Variants in ATP9A observed in about 807,000 individuals in gnomAD.
ATP9A encodes the protein ATPase phospholipid transporting 9A.
Under a neutral mutation model 144.1 loss-of-function variants are expected in ATP9A, and 52 were observed. That is an observed-to-expected ratio of 0.36 (90% CI 0.29 to 0.45). ATP9A has a LOEUF of 0.45. Among genes scored for constraint, ATP9A ranks in the 20% least tolerant of loss-of-function variants. The probability of loss-of-function intolerance (pLI) is 1.00; values close to 1 mark genes in which losing one functional copy is unlikely to be tolerated. For missense variants in ATP9A, 947 were observed against 1,392.7 expected (o/e 0.68, Z 5.09); for synonymous variants, 582 against 557.4 (o/e 1.04, Z -0.62).
intron 27 of ATP9A, among the ~76,000 whole-genome samples, chr20:51,603,129 GCTT>G (rs1469679345): frequency 1.6e-4 from 24 of 152,178 alleles, no homozygotes. Context: ...ACACACATGA[GCTT>G]CTTAGCAGAG....
At chr20:51,741,237 A>T (rs1475012591) in intron 1 of ATP9A, among the ~76,000 whole-genome samples, 1 of 151,754 alleles carries the variant, frequency 6.6e-6, no homozygotes, top group African/African-American at 2.4e-5. Context: ...CTTCCACCTT[A>T]CTCTTGAACT....
intron 14 of ATP9A, among the ~76,000 whole-genome samples, chr20:51,644,902 C>T (rs2077336051): frequency 6.6e-6 from 1 of 152,088 alleles, no homozygotes; most frequent in Non-Finnish European, 1.5e-5. Flanking sequence ...ACACTAATTC[C>T]CCAAAAGCCT....
At chr20:51,673,761 TA>T (rs1183013923) in intron 11 of ATP9A, among the ~76,000 whole-genome samples, 1 of 152,074 alleles carries the variant, frequency 6.6e-6, no homozygotes, top group African/African-American at 2.4e-5. Context: ...CTGCTCCTTC[TA>T]AAAGCCGATG....
At chr20:51,714,775 C>T (rs2077655159) in intron 3 of ATP9A, among the ~76,000 whole-genome samples, 1 of 152,234 alleles carries the variant, frequency 6.6e-6, no homozygotes, top group African/African-American at 2.4e-5. Context: ...TGGGCCACTG[C>T]GCCCAGCTGT....
At chr20:51,627,905 T>C (rs574351463) in intron 16 of ATP9A, among the ~76,000 whole-genome samples, 68 of 152,320 alleles carry the variant, frequency 4.5e-4, no homozygotes, top group African/African-American at 1.6e-3. Context: ...CCACAGGTCG[T>C]CTTCAACTAG....
chr20:51,713,015 C>A lies in ATP9A; in HGVS notation c.387G>T (p.Val129=), dbSNP rs954184197. The change falls in exon 4 of 28, where the codon GTG becomes GTT. Residue 129 remains valine, a synonymous_variant. Transcript: ENST00000338821. The part of the protein sequence containing the change: ...REAVEEIRCY[V]RDKEVNSQVY... ...CCTGGGAGTTGACTTCCTTGTCCCG[C>A]ACGTAGCATCGGATCTCCTCCACCG... 7 of 1,613,192 alleles carry A rather than the reference C, an allele frequency of 4.3e-6. No homozygotes were observed. The Admixed American group carries it at 1.2e-4, about 27-fold the overall frequency.
intron 9 of ATP9A, among the ~76,000 whole-genome samples, chr20:51,682,688 T>A (rs1188651955): frequency 6.9e-6 from 1 of 144,938 alleles, no homozygotes; most frequent in Non-Finnish European, 1.5e-5. Context: ...GCCTCCCAGG[T>A]TCAAGTGATT....
chr20:51,714,656 C>T (rs1055724055), intron 3 of ATP9A, among the ~76,000 whole-genome samples: 1 of 152,212 alleles, frequency 6.6e-6, no homozygotes, highest in Admixed American at 6.5e-5. Context: ...GCGTGAGCCA[C>T]CACGCCCAGC....
At chr20:51,696,855 C>G (rs1238203904) in intron 5 of ATP9A, among the ~76,000 whole-genome samples, 1 of 152,144 alleles carries the variant, frequency 6.6e-6, no homozygotes, top group Non-Finnish European at 1.5e-5. Context: ...CAGAGCCACC[C>G]CTCAAAATCC....
chr20:51,756,364 C>T lies in ATP9A; in HGVS notation c.68+11938G>A, dbSNP rs2077856247. On this transcript the variant is annotated intron_variant, in intron 1 of 27. Transcript: ENST00000338821. ...GGAGTGCAGGGGCATGATCTTGGCT[C>T]ACTGCAACCTCCGCTTCCTGGGTTA... Among the ~76,000 whole-genome samples the T allele has an allele frequency of 2.0e-5, 3 of 151,662 alleles. No individual in the cohort carries two copies. In the South Asian group the frequency reaches 6.3e-4, roughly 32 times the overall value.
At chr20:51,758,276 T>C (rs530771843) in intron 1 of ATP9A, among the ~76,000 whole-genome samples, 1 of 152,298 alleles carries the variant, frequency 6.6e-6, no homozygotes, top group South Asian at 2.1e-4. Context: ...ATTCTAAATG[T>C]CATCAATAAA....
intron 14 of ATP9A, among the ~76,000 whole-genome samples, chr20:51,653,797 G>A (rs2077376748): frequency 6.6e-6 from 1 of 151,696 alleles, no homozygotes; most frequent in African/African-American, 2.4e-5. Flanking sequence ...CTGGCACGGT[G>A]GCTCACGCCT....
At chr20:51,712,382 A>C (rs1240849306) in intron 4 of ATP9A, among the ~76,000 whole-genome samples, 1 of 152,018 alleles carries the variant, frequency 6.6e-6, no homozygotes, top group Non-Finnish European at 1.5e-5. Flanking sequence ...CCAAAATTTC[A>C]ATTTTTTGTT....
At position 51,627,700 on chromosome 20, in the gene ATP9A, GGTCGA is replaced by G; in HGVS notation, c.1762-22_1762-18del. The G allele has an allele frequency of 1.2e-6, 2 of 1,610,964 alleles. No homozygotes were observed. The highest frequency in any genetic ancestry group is 1.7e-6 in the Non-Finnish European group (2 of 1,177,280). On this transcript the variant is annotated intron_variant, in intron 16 of 27. Transcript: ENST00000338821. The stretch of plus-strand genomic sequence containing the variant: ...GTTGCCACACTGAAAAATAGACCAC[GGTCGA>G]GTGGGAGCGGTGCTGAGAGCTCCTG...
chr20:51,749,448 T>A (rs2077822475), intron 1 of ATP9A, among the ~76,000 whole-genome samples: 1 of 152,074 alleles, frequency 6.6e-6, no homozygotes, highest in Admixed American at 6.6e-5. Context: ...CTATTTGTAG[T>A]AGAGACAGTT....
At chr20:51,733,112 C>T (rs189870229) in intron 1 of ATP9A, among the ~76,000 whole-genome samples, 2 of 152,218 alleles carry the variant, frequency 1.3e-5, no homozygotes, top group Non-Finnish European at 2.9e-5. Context: ...ATCAAGCTAT[C>T]CGGTTACAGT....
intron 13 of ATP9A, among the ~76,000 whole-genome samples, chr20:51,668,092 G>C (rs1239634380): frequency 4.7e-5 from 2 of 42,596 alleles, no homozygotes; most frequent in Non-Finnish European, 1.2e-4. Context: ...GAGGTGGGGG[G>C]GGGGGGGGGC....
intron 13 of ATP9A, among the ~76,000 whole-genome samples, chr20:51,658,361 G>A (rs565157005): frequency 2.6e-5 from 4 of 152,100 alleles, no homozygotes; most frequent in Middle Eastern, 3.4e-3. Flanking sequence ...GGCTGAGGCA[G>A]GAGAGGAGTG....
chr20:51,736,034 G>A (rs893506381), intron 1 of ATP9A, among the ~76,000 whole-genome samples: 4 of 152,208 alleles, frequency 2.6e-5, no homozygotes, highest in African/African-American at 4.8e-5. Flanking sequence ...GTGTGGCTCC[G>A]GGAATGGGTG....
Sources: gnomAD v4.1 joint callset for allele counts (sites outside exome capture counted in the v4.1 genomes callset) on GRCh38, gnomAD v4.1.1 for gene constraint, MANE v1.5 for transcripts, NCBI Gene and HGNC (gene_info 2026-07-23, HGNC 2026-07-21) for gene names.